GNB1: variants seen among roughly 807,000 people sequenced by gnomAD.
GNB1 encodes the protein G protein subunit beta 1.
A neutral mutation model predicts 42.9 loss-of-function variants in GNB1; 2 were observed. That is an observed-to-expected ratio of 0.05 (90% CI 0.02 to 0.15). The LOEUF is 0.15. GNB1 is among the 10% of genes least tolerant of loss of function. The pLI is 1.00. For missense variants in GNB1, 193 were observed against 462.2 expected, an observed-to-expected ratio of 0.42 and a Z score of 5.34; for synonymous variants, 183 against 174.7, an observed-to-expected ratio of 1.05 and a Z score of -0.38.
chr1:1,814,731 C>T (rs769678838), intron 5 of GNB1, among the ~76,000 whole-genome samples: 5 of 142,750 alleles, frequency 3.5e-5, no homozygotes, highest in East Asian at 2.1e-4. Flanking sequence ...GAGCCTAGGA[C>T]GTCGAGGCTG....
chr1:1,885,263 A>T (rs1650083348), intron 1 of GNB1, among the ~76,000 whole-genome samples: 1 of 151,122 alleles, frequency 6.6e-6, no homozygotes, highest in African/African-American at 2.4e-5. Flanking sequence ...AACTACAAAA[A>T]TTAGCCAGGC....
intron 2 of GNB1, among the ~76,000 whole-genome samples, chr1:1,828,573 T>A (rs1647030751): frequency 6.6e-6 from 1 of 152,152 alleles, no homozygotes; most frequent in Admixed American, 6.6e-5. Flanking sequence ...CCTCACAAAA[T>A]TTCAGAAGTA....
rs772627323 is a variant in GNB1 at position 1,786,378 on chromosome 1, G to A, written c.*685C>T. Reference sequence around the variant, plus strand: ...ATTCTCTGATCACGCATTTGAGACCGTCCCCGCATGTGCTTGGCCCCATGG... The same window carrying A: ...ATTCTCTGATCACGCATTTGAGACCATCCCCGCATGTGCTTGGCCCCATGG... On this transcript the variant is annotated 3_prime_UTR_variant, in exon 12 of 12. Coordinates refer to ENST00000378609, the MANE Select transcript of GNB1 (RefSeq NM_002074.5). 53 of 279,122 alleles carry A rather than the reference G, an allele frequency of 1.9e-4. No individual in the cohort carries two copies. The East Asian group carries it at 2.5e-3, about 13-fold the overall frequency. 17.3% of individuals were successfully genotyped at this position (279,122 alleles called of 1,614,324 possible).
intron 1 of GNB1, among the ~76,000 whole-genome samples, chr1:1,871,939 CCT>C (rs1399229932): frequency 1.3e-5 from 2 of 152,178 alleles, no homozygotes; most frequent in African/African-American, 4.8e-5. Flanking sequence ...CTTAAAATGA[CCT>C]CTGTCTCAAT....
chr1:1,843,605 A>G (rs1647445915), intron 1 of GNB1, among the ~76,000 whole-genome samples: 1 of 152,146 alleles, frequency 6.6e-6, no homozygotes, highest in Non-Finnish European at 1.5e-5. Context: ...AAGTGCTATC[A>G]AATCACCTTA....
At chr1:1,875,779 G>C (rs1177530469) in intron 1 of GNB1, among the ~76,000 whole-genome samples, 2 of 152,174 alleles carry the variant, frequency 1.3e-5, no homozygotes, top group Non-Finnish European at 2.9e-5. Context: ...AGGCAAGAGA[G>C]CTAGAAACAC....
rs1034846662 is a variant in GNB1, at chr1:1,785,715, A to C, written c.*1348T>G. ...AGATGTGGAGGGCCCTGAAGAATCC[A>C]TATAGGAGGGCAGGCTCTTCACTCC... On this transcript the variant is annotated 3_prime_UTR_variant, in exon 12 of 12. Coordinates refer to ENST00000378609, the MANE Select transcript of GNB1 (RefSeq NM_002074.5). The C allele has an allele frequency of 1.2e-4, 40 of 330,198 alleles. No individual in the cohort carries two copies. In the East Asian group the frequency reaches 1.5e-3, roughly 12 times the overall value. 20.5% of individuals were successfully genotyped at this position (330,198 alleles called of 1,614,324 possible).
At chr1:1,852,686 G>GAAAAA (rs796226364) in intron 1 of GNB1, among the ~76,000 whole-genome samples, 1 of 132,186 alleles carries the variant, frequency 7.6e-6, no homozygotes, top group African/African-American at 2.8e-5. Flanking sequence ...TGTCTCTTAA[G>GAAAAA]AAAAAAAAAA....
chr1:1,880,175 C>T (rs1271294382), intron 1 of GNB1, among the ~76,000 whole-genome samples: 1 of 152,200 alleles, frequency 6.6e-6, no homozygotes, highest in African/African-American at 2.4e-5. Flanking sequence ...TCAAGTGATC[C>T]TCCTGCCTCA....
At chr1:1,887,632 G>A (rs1252041440) in intron 1 of GNB1, among the ~76,000 whole-genome samples, 1 of 152,140 alleles carries the variant, frequency 6.6e-6, no homozygotes, top group Non-Finnish European at 1.5e-5. Context: ...ATTTACAGAG[G>A]TTTTTACTCT....
At chr1:1,799,044 T>C (rs537784760) in intron 7 of GNB1, among the ~76,000 whole-genome samples, 7 of 152,184 alleles carry the variant, frequency 4.6e-5, no homozygotes, top group African/African-American at 1.7e-4. Flanking sequence ...CCTCAGCCTT[T>C]TGAGTAGCTG....
chr1:1,787,127 G>A lies in GNB1; in HGVS notation c.*10-74C>T, dbSNP rs1195618404. 3 of 471,864 alleles carry A rather than the reference G, an allele frequency of 6.4e-6. No individual in the cohort carries two copies. In the Admixed American group the frequency reaches 1.2e-4, roughly 18 times the overall value. The allele number at this position is 471,864 out of a possible 1,614,324, so 29.2% of individuals were successfully genotyped here. A position where few individuals can be genotyped will look rare whatever the true frequency, so the allele number is the denominator to read the frequency against. ...AGTGCAGACGCACAGCCAGGTCACTGCTCTTCCCATCACTGCATGAGTGTC... is the reference window on the plus strand; with the variant it reads ...AGTGCAGACGCACAGCCAGGTCACTACTCTTCCCATCACTGCATGAGTGTC... On this transcript the variant is annotated intron_variant, in intron 11 of 11. Transcript: ENST00000378609. This position sits in a 1 kb window ranked among gnomAD's most constrained non-coding sequence, Gnocchi z 4.4.
At chr1:1,883,239 T>C (rs1159987491) in intron 1 of GNB1, among the ~76,000 whole-genome samples, 1 of 126,410 alleles carries the variant, frequency 7.9e-6, no homozygotes, top group Non-Finnish European at 1.6e-5. Flanking sequence ...ACCATCACAT[T>C]CCACACTCCA....
At chr1:1,886,601 T>C (rs1261469895) in intron 1 of GNB1, among the ~76,000 whole-genome samples, 10 of 152,254 alleles carry the variant, frequency 6.6e-5, no homozygotes, top group Admixed American at 6.5e-4. Context: ...CTCCTCATTC[T>C]GTGTTCCTAA....
intron 2 of GNB1, among the ~76,000 whole-genome samples, chr1:1,834,425 G>A (rs375756094): frequency 1.3e-5 from 2 of 151,914 alleles, no homozygotes; most frequent in South Asian, 2.1e-4. Flanking sequence ...CTTTTAGGGC[G>A]GAGCACAAAA....
chr1:1,843,388 TAA>T (rs1179321096), intron 1 of GNB1, among the ~76,000 whole-genome samples: 1 of 151,870 alleles, frequency 6.6e-6, no homozygotes, highest in East Asian at 1.9e-4. Flanking sequence ...CCCAGCTAAT[TAA>T]AAAATATATA....
intron 1 of GNB1, among the ~76,000 whole-genome samples, chr1:1,849,671 G>T (rs1647874390): frequency 6.6e-6 from 1 of 152,094 alleles, no homozygotes; most frequent in Admixed American, 6.5e-5. Flanking sequence ...AAAGTGCTGG[G>T]ATTACAGGTA....
At chr1:1,819,194 T>A (rs1437408822) in intron 3 of GNB1, among the ~76,000 whole-genome samples, 1 of 152,046 alleles carries the variant, frequency 6.6e-6, no homozygotes, top group Non-Finnish European at 1.5e-5. Flanking sequence ...AAAGTTTGAG[T>A]GTTGGTATAA....
intron 1 of GNB1, among the ~76,000 whole-genome samples, chr1:1,864,060 C>T (rs1044302184): frequency 3.3e-5 from 5 of 151,976 alleles, no homozygotes; most frequent in African/African-American, 9.7e-5. Context: ...TGGTGGCTCA[C>T]ACCTGTAATC....
Sources: allele counts gnomAD v4.1 joint callset (sites outside exome capture counted in the v4.1 genomes callset), GRCh38; gene constraint gnomAD v4.1.1; non-coding constraint Gnocchi (gnomAD v3.1); transcripts MANE v1.5; gene names NCBI Gene and HGNC (gene_info 2026-07-23, HGNC 2026-07-21).